The following HIPK3 variants were observed in gnomAD, a reference collection of about 807,000 sequenced individuals.
HIPK3 encodes homeodomain-interacting protein kinase 3.
A neutral mutation model predicts 124.2 loss-of-function variants in HIPK3; 47 were observed. The observed-to-expected ratio is 0.38, with a 90% CI of 0.30 to 0.48. The LOEUF (loss-of-function observed/expected upper bound fraction) is 0.48. Ranked by LOEUF, HIPK3 falls within the 20% of genes least tolerant of loss-of-function variation. The pLI is 0.98. For synonymous variants in HIPK3, 482 were observed against 515.2 expected, an observed-to-expected ratio of 0.94 and a Z score of 0.87; for missense variants, 1,286 against 1,454.3, an observed-to-expected ratio of 0.88 and a Z score of 1.88.
chr11:33,277,725 G>A (rs558413222), intron 1 of HIPK3, among the ~76,000 whole-genome samples: 20 of 152,316 alleles, frequency 1.3e-4, no homozygotes, highest in African/African-American at 4.6e-4. Flanking sequence ...GGATTATAGA[G>A]TATGTCCATT....
intron 2 of HIPK3, among the ~76,000 whole-genome samples, chr11:33,308,167 T>A (rs1852219986): frequency 6.6e-6 from 1 of 152,210 alleles, no homozygotes; most frequent in South Asian, 2.1e-4. Context: ...TGAGCACCAT[T>A]TATTATTCTA....
chr11:33,268,841 A>G (rs1851047169), intron 1 of HIPK3, among the ~76,000 whole-genome samples: 2 of 152,138 alleles, frequency 1.3e-5, no homozygotes, highest in Non-Finnish European at 2.9e-5. Flanking sequence ...AGGTCTATCT[A>G]GCTTGAAATG....
intron 2 of HIPK3, among the ~76,000 whole-genome samples, chr11:33,288,967 A>T (rs1027105809): frequency 3.3e-5 from 5 of 152,186 alleles, no homozygotes; most frequent in African/African-American, 1.2e-4. Flanking sequence ...GTATATTCTG[A>T]TACTGCATTT....
At chr11:33,258,634 G>C (rs927184516) in intron 1 of HIPK3, 20 of 985,294 alleles carry the variant, frequency 2.0e-5, no homozygotes, top group Non-Finnish European at 2.4e-5. Flanking sequence ...CTGGCGGAAA[G>C]ACTTTGGATG....
intron 2 of HIPK3, among the ~76,000 whole-genome samples, chr11:33,310,813 T>C (rs1462820713): frequency 6.6e-6 from 1 of 152,078 alleles, no homozygotes; most frequent in Non-Finnish European, 1.5e-5. Flanking sequence ...CCAGAGAAAA[T>C]GCAGTTTTAT....
Position 33,349,272 on chromosome 11 carries a change from G to A in HIPK3, c.2792G>A (p.Cys931Tyr). Reference protein sequence around the residue: ...SSSGQSSPSPCKRPNSMSDEE... With the variant: ...SSSGQSSPSPYKRPNSMSDEE... ...TCAGGGCAGTCCAGCCCATCCCCCT[G>A]CAAGAGACCGAATAGGTAAAAGAAT... The change falls in exon 14 of 17, where the codon TGC becomes TAC. Residue 931 changes from cysteine to tyrosine, a missense_variant. This residue lies in a region of HIPK3 where 810 missense variants were observed against 864.9 expected (regional missense o/e 0.94). Coordinates refer to ENST00000303296, the MANE Select transcript of HIPK3 (RefSeq NM_005734.5). The A allele has an allele frequency of 6.2e-7, 1 of 1,612,334 alleles. No individual in the cohort carries two copies. The highest frequency in any genetic ancestry group is 2.2e-5 in the East Asian group (1 of 44,868).
intron 2 of HIPK3, among the ~76,000 whole-genome samples, chr11:33,317,450 A>C (rs2133952874): frequency 6.6e-6 from 1 of 151,928 alleles, no homozygotes; most frequent in East Asian, 1.9e-4. Flanking sequence ...ATTGTTTTGT[A>C]GAGACGGAGT....
At chr11:33,316,073 A>G (rs1432818952) in intron 2 of HIPK3, among the ~76,000 whole-genome samples, 1 of 148,922 alleles carries the variant, frequency 6.7e-6, no homozygotes, top group Non-Finnish European at 1.5e-5. Context: ...CATAAAAACA[A>G]TCTGCATGAA....
intron 2 of HIPK3, among the ~76,000 whole-genome samples, chr11:33,309,632 T>G (rs1409873473): frequency 6.6e-6 from 1 of 152,178 alleles, no homozygotes; most frequent in African/African-American, 2.4e-5. Context: ...TCTTTTGGGG[T>G]TCAGATTATA....
intron 2 of HIPK3, among the ~76,000 whole-genome samples, chr11:33,304,981 A>G (rs1167081013): frequency 6.6e-6 from 1 of 152,186 alleles, no homozygotes; most frequent in Non-Finnish European, 1.5e-5. Flanking sequence ...TTGGCTTTGA[A>G]TAGGCAAAAA....
chr11:33,286,961 C>A lies in HIPK3; in HGVS notation c.547C>A (p.Gln183Lys). 1.2e-6 allele frequency: 2 copies of A among 1,614,106 alleles called. No individual in the cohort carries two copies. The highest frequency in any genetic ancestry group is 1.6e-4 in the Middle Eastern group (1 of 6,062). ...TTGTACCACTGGAGAAGGTGACTAT[C>A]AGTTAGTACAGCATGAAGTCTTATG... ...QNCTTGEGDYQLVQHEVLCSM... is the reference protein window; with the variant it reads ...QNCTTGEGDYKLVQHEVLCSM... Residue 183 changes from glutamine to lysine, a missense_variant, in exon 2 of 17, where the codon CAG (glutamine) becomes AAG (lysine). Gln to Lys is a moderately conservative substitution (Grantham distance 53). Transcript: ENST00000303296.
At chr11:33,325,732 C>G (rs1852793211) in intron 2 of HIPK3, among the ~76,000 whole-genome samples, 1 of 152,088 alleles carries the variant, frequency 6.6e-6, no homozygotes, top group Non-Finnish European at 1.5e-5. Context: ...TCTAGGTACA[C>G]AAATAATGAA....
upstream of HIPK3, chr11:33,257,197 C>T (rs1245993791): frequency 1.0e-6 from 1 of 974,998 alleles, no homozygotes; most frequent in Non-Finnish European, 1.2e-6. Flanking sequence ...GGGCTCCGGG[C>T]AACAAGGGCG....
At chr11:33,266,932 T>C (rs1333824634) in intron 1 of HIPK3, among the ~76,000 whole-genome samples, 9 of 152,150 alleles carry the variant, frequency 5.9e-5, no homozygotes, top group Non-Finnish European at 1.3e-4. Context: ...TGGCTAGTAA[T>C]ACAGTTCTCT....
chr11:33,332,469 A>G (rs1338159730), intron 3 of HIPK3, among the ~76,000 whole-genome samples: 2 of 152,142 alleles, frequency 1.3e-5, no homozygotes, highest in Non-Finnish European at 2.9e-5. Flanking sequence ...TATTTTATGG[A>G]TGGATGGATG....
intron 2 of HIPK3, among the ~76,000 whole-genome samples, chr11:33,290,638 GTC>G (rs1205827430): frequency 2.5e-5 from 3 of 121,016 alleles, no homozygotes; most frequent in Admixed American, 8.4e-5. Flanking sequence ...AAAAAAAAAA[GTC>G]TTTTTTTTTT....
chr11:33,281,347 A>G (rs528513208), intron 1 of HIPK3, among the ~76,000 whole-genome samples: 221 of 152,258 alleles, frequency 1.5e-3, no homozygotes, highest in African/African-American at 4.9e-3. Context: ...ATGAACTCCA[A>G]TATACCCATC....
At chr11:33,347,190 A>G (rs1038485361) in intron 8 of HIPK3, 103 bp from the exon 9 acceptor site, 3 of 1,213,966 alleles carry the variant, frequency 2.5e-6, no homozygotes, top group Non-Finnish European at 3.4e-6. Flanking sequence ...AAAAAAAAAA[A>G]AAATCTGTCA....
intron 2 of HIPK3, among the ~76,000 whole-genome samples, chr11:33,316,217 G>A: frequency 6.6e-6 from 1 of 152,128 alleles, no homozygotes. Context: ...TTTGTTGCTT[G>A]TTTTAAAAAA....
Sources: allele counts gnomAD v4.1 joint callset (sites outside exome capture counted in the v4.1 genomes callset), GRCh38; gene constraint gnomAD v4.1.1; regional missense constraint gnomAD v4.1.1; transcripts MANE v1.5; gene names NCBI Gene and HGNC (gene_info 2026-07-23, HGNC 2026-07-21).